Variants in SKIC3 observed in about 807,000 individuals in gnomAD.
SKIC3 encodes the protein SKI3 subunit of superkiller complex, also known as superkiller complex protein 3.
At chr5:95,518,116 A>G in the SKIC3 span, among the ~76,000 whole-genome samples, 1 of 152,106 alleles carries the variant, frequency 6.6e-6, no homozygotes, top group African/African-American at 2.4e-5. Flanking sequence ...CAAAAAATTG[A>G]TGAAGACACC....
At chr5:95,482,576 T>C in the SKIC3 span, 5 of 1,614,064 alleles carry the variant, frequency 3.1e-6, no homozygotes, top group South Asian at 4.4e-5. Flanking sequence ...TGGTTTACAC[T>C]GAACTTGTCT....
chr5:95,533,096 A>G, the SKIC3 span, among the ~76,000 whole-genome samples: 1 of 152,074 alleles, frequency 6.6e-6, no homozygotes, highest in Non-Finnish European at 1.5e-5. Context: ...AAGCTTTTTT[A>G]TCCTCCCCCA....
At chr5:95,507,780 A>G in the SKIC3 span, among the ~76,000 whole-genome samples, 1 of 152,216 alleles carries the variant, frequency 6.6e-6, no homozygotes, top group Non-Finnish European at 1.5e-5. Flanking sequence ...TGTGGCTTCA[A>G]CCATCAAATA....
chr5:95,554,096 C>A, the SKIC3 span, among the ~76,000 whole-genome samples: 2 of 152,152 alleles, frequency 1.3e-5, no homozygotes, highest in African/African-American at 4.8e-5. Flanking sequence ...AGAAAATATT[C>A]CATATAAAAG....
chr5:95,519,545 A>C, the SKIC3 span, among the ~76,000 whole-genome samples: 1 of 152,068 alleles, frequency 6.6e-6, no homozygotes, highest in South Asian at 2.1e-4. Flanking sequence ...TAAAATTGAC[A>C]GCAAAAAATG....
the SKIC3 span, chr5:95,494,672 T>G: frequency 6.2e-7 from 1 of 1,611,538 alleles, no homozygotes; most frequent in Admixed American, 1.7e-5. Context: ...GAAATAGATA[T>G]TATATGCACC....
chr5:95,533,730 AC>A, the SKIC3 span, among the ~76,000 whole-genome samples: 1 of 152,198 alleles, frequency 6.6e-6, no homozygotes, highest in Non-Finnish European at 1.5e-5. Context: ...TTAAACCAAG[AC>A]ACTTTCTAAT....
At chr5:95,480,150 T>C in the SKIC3 span, among the ~76,000 whole-genome samples, 1 of 151,832 alleles carries the variant, frequency 6.6e-6, no homozygotes, top group Non-Finnish European at 1.5e-5. Flanking sequence ...TAAAACAAAA[T>C]ATTAAAAAAA....
the SKIC3 span, among the ~76,000 whole-genome samples, chr5:95,472,944 CT>C: frequency 6.6e-6 from 1 of 151,928 alleles, no homozygotes; most frequent in Non-Finnish European, 1.5e-5. Context: ...TGATTTCGTT[CT>C]TTTTTTTATG....
the SKIC3 span, among the ~76,000 whole-genome samples, chr5:95,481,108 A>G: frequency 1.3e-5 from 2 of 152,242 alleles, no homozygotes; most frequent in South Asian, 4.1e-4. Context: ...CTTGTGAATT[A>G]TATCATAATA....
At chr5:95,552,441 A>G in the SKIC3 span, among the ~76,000 whole-genome samples, 1 of 152,236 alleles carries the variant, frequency 6.6e-6, no homozygotes, top group Non-Finnish European at 1.5e-5. Context: ...AGCTTCTTAT[A>G]TACCCAACAC....
chr5:95,522,170 A>G, the SKIC3 span: 16 of 1,613,894 alleles, frequency 9.9e-6, no homozygotes, highest in African/African-American at 1.3e-5. Context: ...CACACTGTAT[A>G]TGGATTCTGG....
chr5:95,522,241 G>C, the SKIC3 span: 1 of 1,613,764 alleles, frequency 6.2e-7, no homozygotes, highest in Non-Finnish European at 8.5e-7. Flanking sequence ...CTCTGCTTAA[G>C]TATGCTTCTC....
At chr5:95,508,036 G>T in the SKIC3 span, among the ~76,000 whole-genome samples, 1 of 151,642 alleles carries the variant, frequency 6.6e-6, no homozygotes, top group Non-Finnish European at 1.5e-5. Flanking sequence ...TGGTAAGTTT[G>T]TTGGCTTTGA....
chr5:95,499,409 T>C, the SKIC3 span, among the ~76,000 whole-genome samples: 2 of 152,288 alleles, frequency 1.3e-5, no homozygotes, highest in Admixed American at 1.3e-4. Flanking sequence ...GATTGTAAGT[T>C]TCCTGAGGCC....
At chr5:95,464,776 C>A in the SKIC3 span, 1 of 934,094 alleles carries the variant, frequency 1.1e-6, no homozygotes, top group East Asian at 2.6e-5. Flanking sequence ...GGGCGGCAGT[C>A]TTGAAAAGGC....
chr5:95,482,923 T>C, the SKIC3 span, among the ~76,000 whole-genome samples: 1 of 152,166 alleles, frequency 6.6e-6, no homozygotes, highest in African/African-American at 2.4e-5. Flanking sequence ...AGGTTCTAAA[T>C]GTAAGTAAAT....
the SKIC3 span, chr5:95,527,895 G>T: frequency 9.1e-7 from 1 of 1,101,834 alleles, no homozygotes; most frequent in Non-Finnish European, 1.4e-6. Context: ...CAGATGTGGT[G>T]AATTCATACC....
At chr5:95,547,112 A>G in the SKIC3 span, 1 of 1,613,214 alleles carries the variant, frequency 6.2e-7, no homozygotes, top group African/African-American at 1.3e-5. Flanking sequence ...TTGCATCTCT[A>G]GCACTTTTTA....
Sources: gnomAD v4.1 joint callset for allele counts (sites outside exome capture counted in the v4.1 genomes callset) on GRCh38, gnomAD v4.1.1 for gene constraint, MANE v1.5 for transcripts, NCBI Gene and HGNC (gene_info 2026-07-23, HGNC 2026-07-21) for gene names.